HMMR: variants seen among roughly 807,000 people sequenced by gnomAD.
The protein encoded by HMMR is intracellular hyaluronic acid-binding protein.
HMMR carries 108 observed loss-of-function variants against 101.0 expected under a neutral mutation model. That is an observed-to-expected ratio of 1.07 (90% CI 0.92 to 1.25). The LOEUF is 1.25. HMMR is among the 50% of genes most tolerant of loss of function. The pLI is 0.00. For missense variants in HMMR, 813 were observed against 788.7 expected, an observed-to-expected ratio of 1.03 and a Z score of -0.37; for synonymous variants, 296 against 276.4, an observed-to-expected ratio of 1.07 and a Z score of -0.70.
intron 1 of HMMR, among the ~76,000 whole-genome samples, chr5:163,463,377 G>A (rs949650123): frequency 6.6e-6 from 1 of 152,180 alleles, no homozygotes; most frequent in Non-Finnish European, 1.5e-5. Context: ...TTGAATTGCA[G>A]TTGACATCTT....
At chr5:163,462,843 A>G (rs1410108297) in intron 1 of HMMR, among the ~76,000 whole-genome samples, 2 of 151,878 alleles carry the variant, frequency 1.3e-5, no homozygotes, top group Admixed American at 6.6e-5. Flanking sequence ...AAAAAAAAAA[A>G]AAAAAAAAAT....
chr5:163,488,774 C>T (rs974957881), intron 16 of HMMR, among the ~76,000 whole-genome samples: 1 of 152,180 alleles, frequency 6.6e-6, no homozygotes, highest in Non-Finnish European at 1.5e-5. Context: ...TAAACTAATC[C>T]AATCAAATTC....
intron 16 of HMMR, among the ~76,000 whole-genome samples, chr5:163,488,030 A>G (rs10078795): frequency 0.034 from 5,187 of 151,696 alleles, 259 homozygotes; most frequent in African/African-American, 0.12. Flanking sequence ...TAATTTTTCT[A>G]CTTTTTGTAG....
Position 163,472,054 on chromosome 5 carries a change from A to AT in HMMR, c.650+602dup, listed in dbSNP as rs939053528. Among the ~76,000 whole-genome samples, 302 of 133,026 alleles carry AT rather than the reference A, an allele frequency of 2.3e-3. 1 individual carries two copies. The highest frequency in any genetic ancestry group is 2.6e-3 in the Non-Finnish European group (159 of 62,126). The allele number at this position is 133,026 out of a possible 152,430, so 87.3% of individuals were successfully genotyped here. The stretch of plus-strand genomic sequence containing the variant: ...TTTTTATTTATTATTATTATTATTT[A>AT]TTTTTTTTTTTAGAGATGGGGCATT... On this transcript the variant is annotated intron_variant, in intron 7 of 17. Coordinates refer to ENST00000393915, the MANE Select transcript of HMMR (RefSeq NM_001142556.2).
chr5:163,488,804 G>GCATA (rs1561648778), intron 16 of HMMR, among the ~76,000 whole-genome samples: 2 of 152,174 alleles, frequency 1.3e-5, no homozygotes, highest in African/African-American at 4.8e-5. Context: ...TGTAGGGATT[G>GCATA]CATACGAGAG....
chr5:163,461,976 A>G (rs1042003792), intron 1 of HMMR, among the ~76,000 whole-genome samples: 1 of 152,196 alleles, frequency 6.6e-6, no homozygotes, highest in Non-Finnish European at 1.5e-5. Context: ...ATCATACACT[A>G]TTTCGTGGTT....
rs768754667 is a variant in HMMR, at chr5:163,469,629, G to T, written c.274-12G>T. ...TCAGTGAATCATTTATTATCACCTT[G>T]TTTTTGTCCAGATTCGTGTTCTTCT... On this transcript the variant is annotated splice_polypyrimidine_tract_variant and intron_variant, in intron 4 of 17. Coordinates refer to ENST00000393915, the MANE Select transcript of HMMR (RefSeq NM_001142556.2). 1.2e-6 allele frequency: 2 copies of T among 1,603,726 alleles called. No homozygotes were observed. Among genetic ancestry groups the T allele is most frequent in the South Asian group, 2.2e-5 (2 of 89,552 alleles).
intron 2 of HMMR, 113 bp downstream of exon 2, chr5:163,464,067 A>G: frequency 2.3e-6 from 1 of 427,452 alleles, no homozygotes; most frequent in Non-Finnish European, 4.2e-6. Flanking sequence ...CTAGAACTAT[A>G]TTTAAATTTT....
chr5:163,467,740 G>C lies in HMMR; in HGVS notation c.265G>C (p.Glu89Gln), dbSNP rs963554865. The change falls in exon 4 of 18, where the codon GAG (glutamate) becomes CAG (glutamine). Residue 89 changes from glutamate (E) to glutamine (Q), a missense_variant. Coordinates refer to ENST00000393915, the MANE Select transcript of HMMR (RefSeq NM_001142556.2). ...GAATGATAAAGATTTGAAGATATTA[G>C]AGAAAGAGGTAAGCAGTGCTTTAAA... The part of the protein sequence containing the change: ...QKNDKDLKIL[E>Q]KEIRVLLQER... 6.6e-7 allele frequency: 1 copy of C among 1,515,522 alleles called. No homozygotes were observed. The highest frequency in any genetic ancestry group is 1.4e-5 in the African/African-American group (1 of 72,876). The allele number at this position is 1,515,522 out of a possible 1,614,324, so 93.9% of individuals were successfully genotyped here.
chr5:163,488,710 G>T (rs1313085181), intron 16 of HMMR, among the ~76,000 whole-genome samples: 1 of 152,172 alleles, frequency 6.6e-6, no homozygotes, highest in African/African-American at 2.4e-5. Flanking sequence ...TCCAGTAGAT[G>T]CTGGCTCCTT....
rs777581582 is a variant in HMMR, at chr5:163,464,822, C to T, written c.225+20C>T. On this transcript the variant is annotated intron_variant, in intron 3 of 17. Coordinates refer to ENST00000393915, the MANE Select transcript of HMMR (RefSeq NM_001142556.2). The stretch of plus-strand genomic sequence containing the variant: ...TCAAAGGTGAGGAGCTTTTATATGC[C>T]AGCTGGTTTATCAAGTGTATCATCA... The T allele has an allele frequency of 3.3e-6, 5 of 1,498,224 alleles. No individual in the cohort carries two copies. The South Asian group carries it at 4.5e-5, about 14-fold the overall frequency. The allele number at this position is 1,498,224 out of a possible 1,614,324, so 92.8% of individuals were successfully genotyped here. A position where few individuals can be genotyped will look rare whatever the true frequency, so the allele number is the denominator to read the frequency against.
chr5:163,462,404 A>G (rs1033655243), intron 1 of HMMR, among the ~76,000 whole-genome samples: 1 of 151,874 alleles, frequency 6.6e-6, no homozygotes, highest in Non-Finnish European at 1.5e-5. Flanking sequence ...TTATATTTCA[A>G]CCTAAGATGT....
rs766502267 is a variant in HMMR at position 163,463,862 on chromosome 5, C to T, written c.53C>T (p.Ala18Val). 2.1e-6 allele frequency: 3 copies of T among 1,411,718 alleles called. No individual in the cohort carries two copies. The highest frequency in any genetic ancestry group is 5.4e-5 in the Admixed American group (2 of 36,876). The allele number at this position is 1,411,718 out of a possible 1,614,324, so 87.4% of individuals were successfully genotyped here. The change falls in exon 2 of 18, where the codon GCA (alanine) becomes GTA (valine). Residue 18 changes from alanine (A) to valine (V), a missense_variant. By Grantham distance (64) the Ala-to-Val change is moderately conservative. Coordinates refer to ENST00000393915, the MANE Select transcript of HMMR (RefSeq NM_001142556.2). ...LKRFNDPSGC[A>V]PSPGAYDVKT... ...TGTTTTCTATTTCCTCTAGGTTGTGCACCATCTCCAGGTGCTTATGATGTT... is the reference window on the plus strand; with the variant it reads ...TGTTTTCTATTTCCTCTAGGTTGTGTACCATCTCCAGGTGCTTATGATGTT...
At chr5:163,471,058 C>A in intron 5 of HMMR, 127 bp from the exon 6 acceptor site, 1 of 639,364 alleles carries the variant, frequency 1.6e-6, no homozygotes, top group Non-Finnish European at 2.7e-6. Context: ...AGACTGTTCT[C>A]TCTACCAAAG....
Position 163,482,934 on chromosome 5 carries a change from T to G in HMMR, c.1533-86T>G, listed in dbSNP as rs111948580. ...TTAAAAAATGACACTTCTTGAAGAG[T>G]TCCTTGAGGTTTAAAGAAAAAAAAA... On this transcript the variant is annotated intron_variant, in intron 13 of 17. Coordinates refer to ENST00000393915, the MANE Select transcript of HMMR (RefSeq NM_001142556.2). The G allele has an allele frequency of 8.8e-4, 1,197 of 1,364,962 alleles. 2 individuals are homozygous for G. The African/African-American group carries it at 0.016, about 18-fold the overall frequency. 84.6% of individuals were successfully genotyped at this position (1,364,962 alleles called of 1,614,324 possible).
chr5:163,466,694 A>C (rs1253465889), intron 3 of HMMR, among the ~76,000 whole-genome samples: 16 of 152,286 alleles, frequency 1.1e-4, no homozygotes, highest in Middle Eastern at 3.4e-3. Flanking sequence ...AAAACTTTAA[A>C]GACTTAGTAC....
At chr5:163,484,009 A>G (rs1213475501) in intron 15 of HMMR, 60 bp from the exon 16 acceptor site, 1 of 990,208 alleles carries the variant, frequency 1.0e-6, no homozygotes, top group Non-Finnish European at 1.5e-6. Context: ...TATGGTTTAT[A>G]TGAAACTAGT....
rs1459206064 is a variant in HMMR at position 163,482,763 on chromosome 5, G to A, written c.1507G>A (p.Glu503Lys). The change falls in exon 13 of 18, where the codon GAG becomes AAG. Residue 503 changes from glutamate to lysine, a missense_variant. Transcript: ENST00000393915. ...TGTTCAGCATCAGATTTTGGCAACT[G>A]AGAGCTCAAATCAAGAATATGTAAG... Reference protein sequence around the residue: ...EDVQHQILATESSNQEYVRML... With the variant: ...EDVQHQILATKSSNQEYVRML... 1 of 1,613,888 alleles carries A rather than the reference G, an allele frequency of 6.2e-7. No homozygotes were observed. The highest frequency in any genetic ancestry group is 8.5e-7 in the Non-Finnish European group (1 of 1,179,828).
At position 163,471,257 on chromosome 5, in the gene HMMR, G is replaced by A; in HGVS notation, c.535G>A (p.Glu179Lys). The stretch of plus-strand genomic sequence containing the variant: ...GTTGATGAAACTTAGAAACAAAAGA[G>A]AAACAAAGATGAGGGTGAGTGCTGC... ...LELMKLRNKR[E>K]TKMRGMMAKQ... The change falls in exon 6 of 18, where the codon GAA becomes AAA. Residue 179 changes from glutamate to lysine, a missense_variant. Transcript: ENST00000393915. The A allele has an allele frequency of 1.2e-6, 2 of 1,612,866 alleles. No homozygotes were observed. The highest frequency in any genetic ancestry group is 2.2e-5 in the South Asian group (2 of 91,020).
Sources: gnomAD v4.1 joint callset for allele counts (sites outside exome capture counted in the v4.1 genomes callset) on GRCh38, gnomAD v4.1.1 for gene constraint, MANE v1.5 for transcripts, NCBI Gene and HGNC (gene_info 2026-07-23, HGNC 2026-07-21) for gene names.